Variants in INPP4B observed in about 807,000 individuals in gnomAD.
INPP4B encodes the protein inositol polyphosphate 4-phosphatase type II.
Under a neutral mutation model 122.5 loss-of-function variants are expected in INPP4B, and 55 were observed. The observed-to-expected ratio is 0.45, with a 90% confidence interval of 0.36 to 0.56. The LOEUF is 0.56. Among genes scored for constraint, INPP4B ranks in the 20% least tolerant of loss-of-function variants. INPP4B has a pLI of 0.00. For missense variants in INPP4B, 1,000 were observed against 1,097.7 expected (o/e 0.91, Z 1.26); for synonymous variants, 403 against 388.7 (o/e 1.04, Z -0.43).
intron 7 of INPP4B, among the ~76,000 whole-genome samples, chr4:142,330,962 T>C (rs1001698983): frequency 6.6e-6 from 1 of 152,210 alleles, no homozygotes. Flanking sequence ...ATTTGTCCTA[T>C]CAAAAGTTGT....
At position 142,262,759 on chromosome 4, in the gene INPP4B, C is replaced by T. The variant is rs201977831; in HGVS notation, c.616-2195G>A. Among the ~76,000 whole-genome samples, 11 of 152,036 alleles carry T rather than the reference C, an allele frequency of 7.2e-5. No homozygotes were observed. The East Asian group carries it at 2.1e-3, about 29-fold the overall frequency. On this transcript the variant is annotated intron_variant, in intron 10 of 25. Transcript: ENST00000262992. The stretch of plus-strand genomic sequence containing the variant: ...TACAAATATTCTCTATAAGTTAAGG[C>T]TTATTATAATATTTTCAATTTTATA...
chr4:142,124,130 C>T (rs1052886357), intron 19 of INPP4B, among the ~76,000 whole-genome samples: 2 of 151,944 alleles, frequency 1.3e-5, no homozygotes, highest in Non-Finnish European at 2.9e-5. Context: ...GCCCTGAAAA[C>T]TTATTTTAAA....
At chr4:142,428,052 T>C (rs888574828) in intron 5 of INPP4B, among the ~76,000 whole-genome samples, 7 of 151,802 alleles carry the variant, frequency 4.6e-5, no homozygotes, top group Non-Finnish European at 8.8e-5. Flanking sequence ...TAATATTTAA[T>C]TTATAGCACA....
chr4:142,546,120 T>C (rs946805786), intron 2 of INPP4B, among the ~76,000 whole-genome samples: 3 of 151,932 alleles, frequency 2.0e-5, no homozygotes, highest in Non-Finnish European at 2.9e-5. Context: ...AATGTGTGTG[T>C]CGTTCCTCTC....
At chr4:142,699,752 TC>T (rs1156417978) in intron 2 of INPP4B, among the ~76,000 whole-genome samples, 1 of 152,132 alleles carries the variant, frequency 6.6e-6, no homozygotes, top group Non-Finnish European at 1.5e-5. Flanking sequence ...ATATGCAAGC[TC>T]CCATCAAAAG....
At chr4:142,438,971 T>C (rs1580064946) in intron 3 of INPP4B, among the ~76,000 whole-genome samples, 1 of 152,288 alleles carries the variant, frequency 6.6e-6, no homozygotes, top group African/African-American at 2.4e-5. Context: ...ATAAAATCTA[T>C]AGATGAGTTA....
At chr4:142,815,218 A>G (rs544786659) in intron 1 of INPP4B, among the ~76,000 whole-genome samples, 1 of 152,160 alleles carries the variant, frequency 6.6e-6, no homozygotes, top group Admixed American at 6.6e-5. Context: ...AATCTGAGAA[A>G]CTGTCACAGC....
At chr4:142,813,801 C>T (rs1056588997) in intron 1 of INPP4B, among the ~76,000 whole-genome samples, 8 of 152,100 alleles carry the variant, frequency 5.3e-5, no homozygotes, top group Non-Finnish European at 1.0e-4. Flanking sequence ...CTCTCCCTTC[C>T]TTTTATTATG....
chr4:142,652,606 T>C (rs1753228995), intron 2 of INPP4B, among the ~76,000 whole-genome samples: 1 of 152,070 alleles, frequency 6.6e-6, no homozygotes, highest in South Asian at 2.1e-4. Context: ...TGAACTCCCA[T>C]TCACAATTGC....
intron 9 of INPP4B, among the ~76,000 whole-genome samples, chr4:142,289,069 C>T (rs1014375061): frequency 6.6e-6 from 1 of 152,034 alleles, no homozygotes; most frequent in Admixed American, 6.6e-5. Flanking sequence ...CTTTATTATA[C>T]TTTCTCCTCT....
intron 1 of INPP4B, among the ~76,000 whole-genome samples, chr4:142,748,338 A>C (rs1004825393): frequency 6.6e-6 from 1 of 152,042 alleles, no homozygotes; most frequent in Non-Finnish European, 1.5e-5. Flanking sequence ...GAAAAAAGGA[A>C]GAGCAATTTG....
At chr4:142,277,672 CACACACACAT>C (rs1749210865) in intron 9 of INPP4B, among the ~76,000 whole-genome samples, 2 of 112,650 alleles carry the variant, frequency 1.8e-5, no homozygotes, top group African/African-American at 3.0e-5. Context: ...ATATCATACA[CACACACACAT>C]ACACACACAC....
chr4:142,065,594 T>C (rs1763106783), intron 25 of INPP4B, among the ~76,000 whole-genome samples: 2 of 152,114 alleles, frequency 1.3e-5, no homozygotes, highest in Non-Finnish European at 1.5e-5. Context: ...AAAGAGAGCA[T>C]TCACAAAAGA....
At chr4:142,261,986 C>G (rs183918355) in intron 10 of INPP4B, among the ~76,000 whole-genome samples, 1 of 152,048 alleles carries the variant, frequency 6.6e-6, no homozygotes, top group Non-Finnish European at 1.5e-5. Context: ...CTGACCACCC[C>G]GAAGTCAGAG....
At chr4:142,681,392 G>A (rs375817957) in intron 2 of INPP4B, among the ~76,000 whole-genome samples, 2 of 151,908 alleles carry the variant, frequency 1.3e-5, no homozygotes, top group African/African-American at 2.4e-5. Flanking sequence ...CAGGACCTAA[G>A]GTCTTAAATA....
At chr4:142,776,175 T>C (rs1385329448) in intron 1 of INPP4B, among the ~76,000 whole-genome samples, 1 of 152,178 alleles carries the variant, frequency 6.6e-6, no homozygotes, top group Non-Finnish European at 1.5e-5. Context: ...CTTTTCAAGA[T>C]TGTTATCAGC....
chr4:142,436,399 G>A (rs1192719123), intron 3 of INPP4B, among the ~76,000 whole-genome samples: 1 of 152,136 alleles, frequency 6.6e-6, no homozygotes, highest in Non-Finnish European at 1.5e-5. Context: ...CCTCCACCAC[G>A]GGACAGCGAA....
At chr4:142,345,653 A>G (rs925655380) in intron 7 of INPP4B, among the ~76,000 whole-genome samples, 20 of 152,062 alleles carry the variant, frequency 1.3e-4, no homozygotes, top group African/African-American at 4.8e-4. Context: ...TAGATCATCA[A>G]TTCATTTCAT....
At chr4:142,761,129 A>G (rs1437116879) in intron 1 of INPP4B, among the ~76,000 whole-genome samples, 1 of 151,950 alleles carries the variant, frequency 6.6e-6, no homozygotes, top group African/African-American at 2.4e-5. Context: ...ATATGGACCT[A>G]ATTATTTTGC....
Sources: gnomAD v4.1 joint callset for allele counts (sites outside exome capture counted in the v4.1 genomes callset) on GRCh38, gnomAD v4.1.1 for gene constraint, MANE v1.5 for transcripts, NCBI Gene and HGNC (gene_info 2026-07-23, HGNC 2026-07-21) for gene names.